SLAIN2: variants seen among roughly 807,000 people sequenced by gnomAD.
SLAIN2 encodes SLAIN motif-containing protein 2.
Under a neutral mutation model 56.6 loss-of-function variants are expected in SLAIN2, and 31 were observed. That is an observed-to-expected ratio of 0.55 (90% confidence interval 0.41 to 0.74). The LOEUF (loss-of-function observed/expected upper bound fraction) is 0.74. Among genes scored for constraint, SLAIN2 ranks in the 30% least tolerant of loss-of-function variants. The pLI is 0.00. For synonymous variants in SLAIN2, 317 were observed against 284.9 expected, an observed-to-expected ratio of 1.11 and a Z score of -1.13; for missense variants, 777 against 754.2, an observed-to-expected ratio of 1.03 and a Z score of -0.35.
chr4:48,377,843 C>A, intron 2 of SLAIN2, 53 bp from the exon 3 acceptor site: 2 of 1,518,602 alleles, frequency 1.3e-6, no homozygotes, highest in South Asian at 1.2e-5. Flanking sequence ...AGAAATGAAA[C>A]GTTAACTTTT....
intron 6 of SLAIN2, among the ~76,000 whole-genome samples, chr4:48,398,199 T>A (rs1199910006): frequency 6.6e-6 from 1 of 152,204 alleles, no homozygotes; most frequent in East Asian, 1.9e-4. Context: ...CTGACTGGTG[T>A]GAGATGGTAT....
At chr4:48,369,753 C>G (rs527766886) in intron 1 of SLAIN2, 96 bp from the exon 2 acceptor site, 3 of 1,089,806 alleles carry the variant, frequency 2.8e-6, no homozygotes, top group Non-Finnish European at 3.9e-6. Flanking sequence ...GACTTTTACT[C>G]CCTTCTCCCC....
intron 1 of SLAIN2, among the ~76,000 whole-genome samples, chr4:48,348,343 A>C (rs1303462364): frequency 6.6e-6 from 1 of 152,136 alleles, no homozygotes; most frequent in Non-Finnish European, 1.5e-5. Flanking sequence ...GAATTGGGTG[A>C]ATTCTGAGTG....
intron 6 of SLAIN2, among the ~76,000 whole-genome samples, chr4:48,405,672 T>A (rs1716675209): frequency 6.6e-6 from 1 of 152,154 alleles, no homozygotes; most frequent in Admixed American, 6.5e-5. Flanking sequence ...TGGGGTTTCC[T>A]CTTTTCATGA....
rs569986351 is a variant in SLAIN2 at position 48,389,937 on chromosome 4, G to T, written c.1360+6153G>T. Among the ~76,000 whole-genome samples the T allele has an allele frequency of 3.9e-5, 6 of 152,266 alleles. 1 individual carries two copies. Among genetic ancestry groups the T allele is most frequent in the African/African-American group, 1.4e-4 (6 of 41,552 alleles). On this transcript the variant is annotated intron_variant, in intron 6 of 7. Transcript: ENST00000264313. The stretch of plus-strand genomic sequence containing the variant: ...TTAGGAAGTTCACTCTGATATCAGT[G>T]TGGAGAAAAGATTCAGTGAGGTGAG...
intron 1 of SLAIN2, among the ~76,000 whole-genome samples, chr4:48,355,697 G>T (rs1715139002): frequency 6.6e-6 from 1 of 151,922 alleles, no homozygotes; most frequent in South Asian, 2.1e-4. Flanking sequence ...ATAAAAATAT[G>T]TTAAACTTTC....
chr4:48,363,927 A>G (rs1178302363), intron 1 of SLAIN2, among the ~76,000 whole-genome samples: 1 of 95,574 alleles, frequency 1.0e-5, no homozygotes. Flanking sequence ...CGGGGGGCTG[A>G]CCCCCCCACC....
chr4:48,412,387 CACACA>C, intron 6 of SLAIN2, among the ~76,000 whole-genome samples: 1 of 79,660 alleles, frequency 1.3e-5, no homozygotes, highest in Admixed American at 1.2e-4. Context: ...CACACACACA[CACACA>C]CACACACACA....
chr4:48,392,233 A>G (rs1343122007), intron 6 of SLAIN2, among the ~76,000 whole-genome samples: 2 of 152,140 alleles, frequency 1.3e-5, no homozygotes, highest in African/African-American at 4.8e-5. Context: ...TATCAGGTGA[A>G]TTTAGAGTTT....
At chr4:48,362,404 T>C (rs1715350240) in intron 1 of SLAIN2, among the ~76,000 whole-genome samples, 1 of 151,768 alleles carries the variant, frequency 6.6e-6, no homozygotes, top group Admixed American at 6.6e-5. Flanking sequence ...TCTCTGTCTC[T>C]GTCTCCCTTT....
At chr4:48,353,939 C>T (rs544699922) in intron 1 of SLAIN2, among the ~76,000 whole-genome samples, 4 of 152,090 alleles carry the variant, frequency 2.6e-5, no homozygotes, top group South Asian at 2.1e-4. Flanking sequence ...AGAAAACAGT[C>T]GACATTGGCT....
At chr4:48,369,444 G>C (rs1715609262) in intron 1 of SLAIN2, among the ~76,000 whole-genome samples, 1 of 152,168 alleles carries the variant, frequency 6.6e-6, no homozygotes, top group East Asian at 1.9e-4. Flanking sequence ...ACTAATGGTA[G>C]ATGTTTGTGT....
At chr4:48,385,446 A>C (rs1716075641) in intron 6 of SLAIN2, among the ~76,000 whole-genome samples, 1 of 152,120 alleles carries the variant, frequency 6.6e-6, no homozygotes, top group African/African-American at 2.4e-5. Context: ...CAATGGATGC[A>C]TATTGTCTCA....
Position 48,422,017 on chromosome 4 carries a change from G to A in SLAIN2, c.1686G>A (p.Leu562=), listed in dbSNP as rs765223535. ...SKLAQPVRRS[L]PAPKTYGSMK... ...CAAAATTGCTTTATTACAGATCCTT[G>A]CCAGCTCCTAAAACCTATGGTAGCA... The change falls in exon 8 of 8, where the codon TTG becomes TTA. Residue 562 remains leucine, a synonymous_variant. Transcript: ENST00000264313. 3 of 1,608,150 alleles carry A rather than the reference G, an allele frequency of 1.9e-6. No homozygotes were observed. Among genetic ancestry groups the A allele is most frequent in the African/African-American group, 2.7e-5 (2 of 74,724 alleles).
In SLAIN2 at chr4:48,383,659, G is replaced by A. The variant is rs368223455; in HGVS notation, c.1235G>A (p.Arg412His). ...SNVKNEEKLRRSLPNLSRTSN... is the reference protein window; with the variant it reads ...SNVKNEEKLRHSLPNLSRTSN... ...AATTCTGTTGCAGAAAAACTAAGAC[G>A]CAGTCTTCCAAACCTGTCCCGAACA... is the stretch of plus-strand genomic sequence containing the variant. Residue 412 changes from arginine to histidine, a missense_variant, in exon 6 of 8, where the codon CGC becomes CAC. Coordinates refer to ENST00000264313, the MANE Select transcript of SLAIN2 (RefSeq NM_020846.2). 23 of 1,570,110 alleles carry A rather than the reference G, an allele frequency of 1.5e-5. No individual in the cohort carries two copies. Among genetic ancestry groups the A allele is most frequent in the Admixed American group, 3.6e-5 (2 of 54,952 alleles).
At chr4:48,418,368 CTG>C (rs1357248635) in intron 6 of SLAIN2, among the ~76,000 whole-genome samples, 1 of 152,086 alleles carries the variant, frequency 6.6e-6, no homozygotes, top group African/African-American at 2.4e-5. Flanking sequence ...TTTTTCATGA[CTG>C]TGTTGAATTT....
intron 6 of SLAIN2, among the ~76,000 whole-genome samples, chr4:48,418,529 A>T (rs1717059781): frequency 6.6e-6 from 1 of 152,092 alleles, no homozygotes; most frequent in Non-Finnish European, 1.5e-5. Flanking sequence ...AAATCTATTT[A>T]TATATTGCTG....
At chr4:48,400,815 C>G (rs1716532298) in intron 6 of SLAIN2, among the ~76,000 whole-genome samples, 1 of 149,648 alleles carries the variant, frequency 6.7e-6, no homozygotes, top group African/African-American at 2.5e-5. Flanking sequence ...TCTCTATCTC[C>G]TTCAGTTCTT....
intron 1 of SLAIN2, among the ~76,000 whole-genome samples, chr4:48,347,245 C>T (rs768123991): frequency 6.7e-5 from 10 of 150,336 alleles, no homozygotes; most frequent in Admixed American, 2.6e-4. Flanking sequence ...CATCAGGGAC[C>T]GGTTTCGTGG....
Sources: allele counts gnomAD v4.1 joint callset (sites outside exome capture counted in the v4.1 genomes callset), GRCh38; gene constraint gnomAD v4.1.1; transcripts MANE v1.5; gene names NCBI Gene and HGNC (gene_info 2026-07-23, HGNC 2026-07-21).